The following DCBLD1 variants were observed in gnomAD, a reference collection of about 807,000 sequenced individuals.
DCBLD1 encodes discoidin, CUB and LCCL domain-containing protein 1.
DCBLD1 carries 57 observed loss-of-function variants against 71.5 expected under a neutral mutation model. That is an observed-to-expected ratio of 0.80 (90% CI 0.64 to 0.99). The LOEUF is 0.99. DCBLD1 is among the 50% of genes least tolerant of loss of function. DCBLD1 has a pLI of 0.00. For synonymous variants in DCBLD1, 380 were observed against 363.8 expected, an observed-to-expected ratio of 1.04 and a Z score of -0.51; for missense variants, 891 against 923.5, an observed-to-expected ratio of 0.96 and a Z score of 0.46.
At chr6:117,512,396 CT>C (rs1039502826) in intron 2 of DCBLD1, among the ~76,000 whole-genome samples, 2 of 152,250 alleles carry the variant, frequency 1.3e-5, no homozygotes, top group South Asian at 2.1e-4. Flanking sequence ...AGGAATATCC[CT>C]TTTTTATGCT....
At chr6:117,560,576 C>A (rs544651343) in intron 14 of DCBLD1, 1 of 194,064 alleles carries the variant, frequency 5.2e-6, no homozygotes, top group East Asian at 8.1e-5. Flanking sequence ...GCACCACAGA[C>A]AAGCTGTGCT....
chr6:117,541,493 T>A (rs1779095861), intron 11 of DCBLD1, among the ~76,000 whole-genome samples: 1 of 152,024 alleles, frequency 6.6e-6, no homozygotes, highest in Admixed American at 6.6e-5. Context: ...CAAGAAAACA[T>A]AATGCGGCTT....
At chr6:117,540,356 T>A in intron 9 of DCBLD1, 3 of 253,918 alleles carry the variant, frequency 1.2e-5, no homozygotes, top group South Asian at 1.3e-4. Flanking sequence ...TGAAGCCTTG[T>A]GCTCTTGAGG....
intron 2 of DCBLD1, among the ~76,000 whole-genome samples, chr6:117,515,043 G>A (rs1456429316): frequency 2.1e-5 from 3 of 142,656 alleles, no homozygotes; most frequent in Non-Finnish European, 3.0e-5. Flanking sequence ...TTTTTGAGAC[G>A]GAGTCTTGTT....
intron 14 of DCBLD1, among the ~76,000 whole-genome samples, chr6:117,559,655 T>G (rs534029618): frequency 6.6e-6 from 1 of 152,336 alleles, no homozygotes; most frequent in East Asian, 1.9e-4. Context: ...AGGTTCATTA[T>G]TGAACAAATA....
chr6:117,528,271 A>G (rs1384107493), intron 5 of DCBLD1, among the ~76,000 whole-genome samples: 2 of 152,190 alleles, frequency 1.3e-5, no homozygotes, highest in African/African-American at 4.8e-5. Flanking sequence ...TGAAGAAAAC[A>G]TTATTGACAT....
chr6:117,519,604 G>T (rs1286693888), intron 2 of DCBLD1, among the ~76,000 whole-genome samples: 1 of 152,148 alleles, frequency 6.6e-6, no homozygotes, highest in Admixed American at 6.6e-5. Context: ...CCTATTGCTT[G>T]TCTAGAGTAA....
chr6:117,541,133 T>C (rs1779082565), intron 11 of DCBLD1, 108 bp downstream of exon 11: 1 of 942,470 alleles, frequency 1.1e-6, no homozygotes, highest in Non-Finnish European at 1.6e-6. Flanking sequence ...ACATTGGAGG[T>C]GGATGATCCA....
rs149163744 is a variant in DCBLD1 at position 117,516,802 on chromosome 6, A to T, written c.326-3014A>T. On this transcript the variant is annotated intron_variant, in intron 2 of 14. Coordinates refer to ENST00000338728, the MANE Select transcript of DCBLD1 (RefSeq NM_001366458.2). ...CAGGAGAAAAGAGCTTGTGCAGGGG[A>T]ACTCCTTTTTTTAAAACCATCAGAT... 3.9e-3 allele frequency among the ~76,000 whole-genome samples: 598 copies of T among 152,176 alleles called. 4 individuals are homozygous for T. The highest frequency in any genetic ancestry group is 0.014 in the African/African-American group (575 of 41,510).
chr6:117,516,663 C>T (rs1480688700), intron 2 of DCBLD1, among the ~76,000 whole-genome samples: 1 of 152,166 alleles, frequency 6.6e-6, no homozygotes, highest in African/African-American at 2.4e-5. Flanking sequence ...CTGATAAGGA[C>T]ATACCTGAGA....
At chr6:117,537,097 A>G in intron 6 of DCBLD1, 88 bp from the exon 7 acceptor site, 1 of 1,340,364 alleles carries the variant, frequency 7.5e-7, no homozygotes, top group Non-Finnish European at 1.1e-6. Context: ...CAGGTGGGAA[A>G]GTTCTGTGAG....
chr6:117,539,562 G>A lies in DCBLD1; in HGVS notation c.1101+183G>A. The A allele has an allele frequency of 1.7e-5, 10 of 586,434 alleles. No individual in the cohort carries two copies. The South Asian group carries it at 2.9e-4, about 17-fold the overall frequency. 36.3% of individuals were successfully genotyped at this position (586,434 alleles called of 1,614,324 possible). ...AGGAGGATCATTTGAGACCATCCTG[G>A]GCAACATAGCAAGACCCCACCACTA... On this transcript the variant is annotated intron_variant, in intron 9 of 14. Coordinates refer to ENST00000338728, the MANE Select transcript of DCBLD1 (RefSeq NM_001366458.2).
At chr6:117,507,505 T>C (rs1163671990) in intron 2 of DCBLD1, among the ~76,000 whole-genome samples, 5 of 152,236 alleles carry the variant, frequency 3.3e-5, no homozygotes, top group Admixed American at 3.3e-4. Context: ...GTGCTATTAA[T>C]ATTATCCTGG....
intron 14 of DCBLD1, among the ~76,000 whole-genome samples, chr6:117,565,959 C>T (rs921733565): frequency 6.6e-6 from 1 of 152,078 alleles, no homozygotes; most frequent in African/African-American, 2.4e-5. Context: ...CCCATCTCAT[C>T]ACAAAGAATA....
rs139400542 is a variant in DCBLD1 at position 117,519,608 on chromosome 6, A to G, written c.326-208A>G. ...ACTAGTTCCAGCCTATTGCTTGTCT[A>G]GAGTAAGCCACTTTCCCCCTTGGCT... is the stretch of plus-strand genomic sequence containing the variant. On this transcript the variant is annotated intron_variant, in intron 2 of 14. Coordinates refer to ENST00000338728, the MANE Select transcript of DCBLD1 (RefSeq NM_001366458.2). Among the ~76,000 whole-genome samples, 9 of 152,298 alleles carry G rather than the reference A, an allele frequency of 5.9e-5. No individual in the cohort carries two copies. In the East Asian group the frequency reaches 1.5e-3, roughly 26 times the overall value.
At position 117,487,881 on chromosome 6, in the gene DCBLD1, T is replaced by G. The variant is rs9489210; in HGVS notation, c.112+4988T>G. 6.4e-3 allele frequency among the ~76,000 whole-genome samples: 970 copies of G among 152,206 alleles called. 8 individuals are homozygous for G. Among genetic ancestry groups the G allele is most frequent in the African/African-American group, 0.019 (805 of 41,518 alleles). On this transcript the variant is annotated intron_variant, in intron 1 of 14. Coordinates refer to ENST00000338728, the MANE Select transcript of DCBLD1 (RefSeq NM_001366458.2). ...TCATGTGGATGTTATCTTCCAGATG[T>G]TTATTGTCTGCTTTGTATGTTAAAA...
chr6:117,539,577 C>T (rs576127336), intron 9 of DCBLD1, 198 bp downstream of exon 9: 46 of 476,160 alleles, frequency 9.7e-5, no homozygotes, highest in African/African-American at 8.8e-4. Flanking sequence ...CATAGCAAGA[C>T]CCCACCACTA....
intron 1 of DCBLD1, among the ~76,000 whole-genome samples, chr6:117,485,583 C>T (rs1777057638): frequency 6.6e-6 from 1 of 152,182 alleles, no homozygotes; most frequent in Admixed American, 6.5e-5. Context: ...GACAGCTAGC[C>T]TTGTAGACTG....
chr6:117,521,115 G>A (rs899201734), intron 3 of DCBLD1, among the ~76,000 whole-genome samples: 1 of 152,192 alleles, frequency 6.6e-6, no homozygotes, highest in African/African-American at 2.4e-5. Flanking sequence ...AGATGCCACT[G>A]GCTAAATTGT....
Sources: allele counts gnomAD v4.1 joint callset (sites outside exome capture counted in the v4.1 genomes callset), GRCh38; gene constraint gnomAD v4.1.1; transcripts MANE v1.5; gene names NCBI Gene and HGNC (gene_info 2026-07-23, HGNC 2026-07-21).